AMTN: variants seen among roughly 807,000 people sequenced by gnomAD.
AMTN encodes the protein RSTI689.
Under a neutral mutation model 27.4 loss-of-function variants are expected in AMTN, and 29 were observed. The ratio of observed to expected loss-of-function variants is 1.06; its 90% CI spans 0.79 to 1.44. The LOEUF is 1.44. Ranked by LOEUF, AMTN falls within the 40% of genes most tolerant of loss-of-function variation. AMTN has a pLI of 0.00. For synonymous variants in AMTN, 86 were observed against 95.7 expected (o/e 0.90, Z 0.59); for missense variants, 247 against 248.8 (o/e 0.99, Z 0.05).
chr4:70,528,515 T>C (rs1324791420), intron 5 of AMTN, among the ~76,000 whole-genome samples: 1 of 152,034 alleles, frequency 6.6e-6, no homozygotes, highest in Non-Finnish European at 1.5e-5. Context: ...CTGGGCATAG[T>C]AGCAGGCAAC....
chr4:70,532,558 A>G lies in AMTN; in HGVS notation c.*93A>G. On this transcript the variant is annotated 3_prime_UTR_variant, in exon 9 of 9. Transcript: ENST00000339336. ...TATATTATGGAATAGATTGAGACAC[A>G]TTGGATAGTCTTAGAAGAAATTAAT... The G allele has an allele frequency of 3.5e-6, 4 of 1,137,616 alleles. No homozygotes were observed. Among genetic ancestry groups the G allele is most frequent in the Non-Finnish European group, 5.2e-6 (4 of 773,118 alleles). 70.5% of individuals were successfully genotyped at this position (1,137,616 alleles called of 1,614,324 possible). A position where few individuals can be genotyped will look rare whatever the true frequency, so the allele number is the denominator to read the frequency against.
rs763143860 is a variant in AMTN, at chr4:70,521,640, C to CTTTTTTTTTTTT, written c.55-1090_55-1079dup. 1.2e-3 allele frequency among the ~76,000 whole-genome samples: 92 copies of CTTTTTTTTTTTT among 76,476 alleles called. 18 individuals carry two copies. The highest frequency in any genetic ancestry group is 1.5e-3 in the Non-Finnish European group (65 of 43,844). The allele number at this position is 76,476 out of a possible 152,430, so 50.2% of individuals were successfully genotyped here. A position where few individuals can be genotyped will look rare whatever the true frequency, so the allele number is the denominator to read the frequency against. On this transcript the variant is annotated intron_variant, in intron 2 of 8. Transcript: ENST00000339336. ...CCTAGAACAGATAATACCAACCTCT[C>CTTTTTTTTTTTT]TTTTTTTTTTTTTTTTTTTTTTTTT... is the stretch of plus-strand genomic sequence containing the variant.
At chr4:70,518,690 T>C in intron 1 of AMTN, 36 bp downstream of exon 1, 1 of 1,072,362 alleles carries the variant, frequency 9.3e-7, no homozygotes, top group Non-Finnish European at 1.4e-6. Flanking sequence ...GTAGAACTTT[T>C]GTTTTTAAAG....
At chr4:70,521,868 C>A (rs1735978611) in intron 2 of AMTN, among the ~76,000 whole-genome samples, 1 of 152,024 alleles carries the variant, frequency 6.6e-6, no homozygotes, top group African/African-American at 2.4e-5. Flanking sequence ...GGTCCGCCCG[C>A]CTTGGCCTCC....
At chr4:70,526,182 A>C (rs3852097) in intron 5 of AMTN, among the ~76,000 whole-genome samples, 14,003 of 152,228 alleles carry the variant, frequency 0.092, 843 homozygotes, top group African/African-American at 0.16. Context: ...AAACACTGTC[A>C]ACATTCTAGA....
chr4:70,531,480 C>G (rs910967150), intron 8 of AMTN, among the ~76,000 whole-genome samples, 180 bp downstream of exon 8: 1 of 152,126 alleles, frequency 6.6e-6, no homozygotes, highest in African/African-American at 2.4e-5. Context: ...CCACCAACCC[C>G]CAGGTATTAA....
intron 7 of AMTN, among the ~76,000 whole-genome samples, chr4:70,530,159 A>G (rs968201910): frequency 6.6e-6 from 1 of 152,072 alleles, no homozygotes; most frequent in Non-Finnish European, 1.5e-5. Flanking sequence ...CTACTACACT[A>G]GTGGTTTTTC....
intron 4 of AMTN, among the ~76,000 whole-genome samples, chr4:70,524,292 C>A (rs544735616): frequency 8.8e-4 from 134 of 152,242 alleles, no homozygotes; most frequent in African/African-American, 3.1e-3. Context: ...ATGACAGGAG[C>A]AAACTGGAAG....
intron 2 of AMTN, among the ~76,000 whole-genome samples, chr4:70,521,574 G>GTA (rs1388208974): frequency 7.3e-6 from 1 of 137,210 alleles, no homozygotes; most frequent in Non-Finnish European, 1.5e-5. Flanking sequence ...TGTATTTTAT[G>GTA]TATATATATG....
At chr4:70,521,059 G>T (rs1735945169) in intron 2 of AMTN, among the ~76,000 whole-genome samples, 2 of 152,068 alleles carry the variant, frequency 1.3e-5, no homozygotes, top group Admixed American at 1.3e-4. Context: ...ACCACTGTGG[G>T]GTCTCTGGCT....
intron 5 of AMTN, among the ~76,000 whole-genome samples, chr4:70,526,971 C>T (rs527485159): frequency 6.6e-6 from 1 of 152,308 alleles, no homozygotes; most frequent in South Asian, 2.1e-4. Context: ...ACAACCTGGA[C>T]ACCTACTGGT....
At chr4:70,528,369 G>T (rs970766384) in intron 5 of AMTN, among the ~76,000 whole-genome samples, 2 of 152,132 alleles carry the variant, frequency 1.3e-5, no homozygotes, top group African/African-American at 2.4e-5. Context: ...AGATATCAAT[G>T]GCCGGGCGAG....
chr4:70,528,815 T>G, intron 6 of AMTN, 57 bp downstream of exon 6: 1 of 1,433,872 alleles, frequency 7.0e-7, no homozygotes, highest in East Asian at 2.3e-5. Context: ...TGAAAGGTGA[T>G]TTTCTTTCCT....
chr4:70,528,725 GTT>G lies in AMTN; in HGVS notation c.298_299del (p.Leu100ThrfsTer45). On this transcript the variant is annotated frameshift_variant, in exon 6 of 9. Transcript: ENST00000339336. LOFTEE classifies it high-confidence loss of function. ...GAGTTTTTCTCTCATTTTTTCAGGTGTTACCAATTTTTGTCACACAACTTGGA... is the reference window on the plus strand; with the variant it reads ...GAGTTTTTCTCTCATTTTTTCAGGTGACCAATTTTTGTCACACAACTTGGA... The part of the protein sequence containing the change: ...NVQQQLHPHV[L>X]PIFVTQLGAQ... 1 of 1,607,042 alleles carries G rather than the reference GTT, an allele frequency of 6.2e-7. No homozygotes were observed. Among genetic ancestry groups the G allele is most frequent in the South Asian group, 1.1e-5 (1 of 89,802 alleles).
At chr4:70,521,351 A>G (rs1368889605) in intron 2 of AMTN, among the ~76,000 whole-genome samples, 4 of 149,682 alleles carry the variant, frequency 2.7e-5, no homozygotes, top group Non-Finnish European at 5.9e-5. Context: ...TTGCACTCCA[A>G]TCTGGACAGC....
chr4:70,521,867 G>T (rs181475039), intron 2 of AMTN, among the ~76,000 whole-genome samples: 299 of 152,024 alleles, frequency 2.0e-3, no homozygotes, highest in Non-Finnish European at 3.8e-3. Flanking sequence ...TGGTCCGCCC[G>T]CCTTGGCCTC....
At chr4:70,525,849 G>A (rs1410524502) in intron 5 of AMTN, among the ~76,000 whole-genome samples, 1 of 152,108 alleles carries the variant, frequency 6.6e-6, no homozygotes, top group Non-Finnish European at 1.5e-5. Flanking sequence ...GCAGTGAGCA[G>A]CGATTGTGTC....
At chr4:70,524,701 T>C (rs1234132501) in intron 4 of AMTN, among the ~76,000 whole-genome samples, 171 bp from the exon 5 acceptor site, 1 of 152,184 alleles carries the variant, frequency 6.6e-6, no homozygotes, top group East Asian at 1.9e-4. Flanking sequence ...GCAGACTAAA[T>C]AAGTCTTTAA....
intron 2 of AMTN, 101 bp downstream of exon 2, chr4:70,518,932 G>C: frequency 1.1e-6 from 1 of 942,628 alleles, no homozygotes; most frequent in Non-Finnish European, 1.7e-6. Flanking sequence ...GCTCTGTTTT[G>C]TGACTCATTC....
Sources: gnomAD v4.1 joint callset for allele counts (sites outside exome capture counted in the v4.1 genomes callset) on GRCh38, gnomAD v4.1.1 for gene constraint, MANE v1.5 for transcripts, NCBI Gene and HGNC (gene_info 2026-07-23, HGNC 2026-07-21) for gene names.